Variants in TMEM131 observed in about 807,000 individuals in gnomAD.
The protein encoded by TMEM131 is transmembrane protein 131.
A neutral mutation model predicts 211.6 loss-of-function variants in TMEM131; 66 were observed. The observed-to-expected ratio is 0.31, with a 90% CI of 0.26 to 0.38. TMEM131 has a LOEUF of 0.38. Among genes scored for constraint, TMEM131 ranks in the 10% least tolerant of loss-of-function variants. TMEM131 has a pLI of 1.00. For synonymous variants in TMEM131, 844 were observed against 841.3 expected, an observed-to-expected ratio of 1.00 and a Z score of -0.06; for missense variants, 2,036 against 2,299.3, an observed-to-expected ratio of 0.89 and a Z score of 2.34.
intron 35 of TMEM131, 189 bp from the exon 36 acceptor site, chr2:97,762,389 G>C (rs1328309848): frequency 1.8e-6 from 1 of 559,232 alleles, no homozygotes; most frequent in South Asian, 2.1e-5. Context: ...TGCACTCGGG[G>C]ATTTGAGGGG....
At chr2:97,991,010 T>G (rs1680239722) in intron 1 of TMEM131, among the ~76,000 whole-genome samples, 2 of 152,310 alleles carry the variant, frequency 1.3e-5, no homozygotes, top group Admixed American at 6.5e-5. Context: ...GAAACACTCT[T>G]GAAAATTTAT....
chr2:97,881,983 T>C (rs1197088147), intron 4 of TMEM131, among the ~76,000 whole-genome samples: 3 of 152,218 alleles, frequency 2.0e-5, no homozygotes, highest in Admixed American at 6.5e-5. Context: ...CCTTTAGCAG[T>C]CACTTTCTGA....
chr2:97,882,863 T>C (rs1674993821), intron 4 of TMEM131, among the ~76,000 whole-genome samples: 1 of 152,228 alleles, frequency 6.6e-6, no homozygotes, highest in Non-Finnish European at 1.5e-5. Flanking sequence ...CTCCGCTCAG[T>C]GTTCTCTGAC....
chr2:97,855,356 C>T (rs1047666217), intron 5 of TMEM131, among the ~76,000 whole-genome samples: 2 of 152,196 alleles, frequency 1.3e-5, no homozygotes, highest in Non-Finnish European at 2.9e-5. Flanking sequence ...TATTCCGGCT[C>T]TTATTAATAT....
At chr2:97,850,345 G>A (rs147539101) in intron 5 of TMEM131, among the ~76,000 whole-genome samples, 2,206 of 152,262 alleles carry the variant, frequency 0.014, 22 homozygotes, top group Non-Finnish European at 0.019. Flanking sequence ...ACCGCAGGAA[G>A]GGAGAAAAAC....
chr2:97,834,255 G>A (rs534589665), intron 10 of TMEM131, among the ~76,000 whole-genome samples: 1 of 152,182 alleles, frequency 6.6e-6, no homozygotes, highest in Non-Finnish European at 1.5e-5. Flanking sequence ...TTGTCAAAAT[G>A]TAATTTAATA....
chr2:97,955,889 G>A (rs979904590), intron 1 of TMEM131, among the ~76,000 whole-genome samples: 1 of 151,918 alleles, frequency 6.6e-6, no homozygotes, highest in Non-Finnish European at 1.5e-5. Flanking sequence ...ACTTAACACA[G>A]GAAAAATGTC....
chr2:97,788,615 C>T lies in TMEM131; in HGVS notation c.4144+3771G>A, dbSNP rs1161668174. On this transcript the variant is annotated intron_variant, in intron 31 of 40. Transcript: ENST00000186436. ...CTGGGCACATGGTTTCACCAATTAT[C>T]TCCTCATTTTCTTCCCCCTCCCTCT... 2.0e-5 allele frequency among the ~76,000 whole-genome samples: 3 copies of T among 152,194 alleles called. No homozygotes were observed. In the East Asian group the frequency reaches 5.8e-4, roughly 29 times the overall value.
chr2:97,913,920 C>T (rs1007900197), intron 2 of TMEM131, among the ~76,000 whole-genome samples: 7 of 152,082 alleles, frequency 4.6e-5, no homozygotes, highest in East Asian at 1.9e-4. Flanking sequence ...TCCTTGCAGG[C>T]GATGAGACTA....
chr2:97,764,907 C>G (rs914138302), intron 35 of TMEM131: 1 of 152,234 alleles, frequency 6.6e-6, no homozygotes, highest in Admixed American at 6.5e-5. Context: ...TGTGTCATTA[C>G]GTCACCAACA....
At chr2:97,963,471 T>C (rs1467745565) in intron 1 of TMEM131, among the ~76,000 whole-genome samples, 1 of 152,112 alleles carries the variant, frequency 6.6e-6, no homozygotes, top group Non-Finnish European at 1.5e-5. Context: ...TCCCAGAATT[T>C]TGGGAGGCTG....
chr2:97,798,786 T>C (rs1047533504), intron 25 of TMEM131, among the ~76,000 whole-genome samples: 1 of 152,256 alleles, frequency 6.6e-6, no homozygotes, highest in Non-Finnish European at 1.5e-5. Flanking sequence ...GCTATTTTTT[T>C]CCTTTCTGTC....
At chr2:97,891,040 CTA>C (rs1272958612) in intron 3 of TMEM131, among the ~76,000 whole-genome samples, 1 of 152,170 alleles carries the variant, frequency 6.6e-6, no homozygotes, top group Non-Finnish European at 1.5e-5. Flanking sequence ...AGGTACAATC[CTA>C]TGTTAACCAA....
intron 1 of TMEM131, among the ~76,000 whole-genome samples, chr2:97,937,931 T>G (rs1377351513): frequency 6.6e-6 from 1 of 152,126 alleles, no homozygotes; most frequent in African/African-American, 2.4e-5. Flanking sequence ...CAAACTAAAC[T>G]TCGTAAGTGA....
chr2:97,814,473 A>G, intron 13 of TMEM131, 85 bp from the exon 14 acceptor site: 1 of 1,253,688 alleles, frequency 8.0e-7, no homozygotes, highest in Non-Finnish European at 1.1e-6. Context: ...GTTGTAAGTA[A>G]TAATTTACAT....
chr2:97,853,826 T>C (rs1307030064), intron 5 of TMEM131, among the ~76,000 whole-genome samples: 1 of 152,096 alleles, frequency 6.6e-6, no homozygotes, highest in Non-Finnish European at 1.5e-5. Context: ...AATCCCATGA[T>C]AAAACTTGAA....
chr2:97,897,510 A>G (rs975918426), intron 3 of TMEM131, among the ~76,000 whole-genome samples: 1 of 152,162 alleles, frequency 6.6e-6, no homozygotes, highest in East Asian at 1.9e-4. Flanking sequence ...ACATCTATTC[A>G]AATAATTACA....
rs551886302 is a variant in TMEM131 at position 97,849,865 on chromosome 2, G to T, written c.484-5604C>A. Among the ~76,000 whole-genome samples the T allele has an allele frequency of 2.6e-5, 4 of 151,578 alleles. No homozygotes were observed. The South Asian group carries it at 6.3e-4, about 24-fold the overall frequency. ...CAAGAACAAATAATTGAATGTTCAG[G>T]TTTAACTCTTGGTGGGCAAGATTAA... is the stretch of plus-strand genomic sequence containing the variant. On this transcript the variant is annotated intron_variant, in intron 5 of 40. Transcript: ENST00000186436.
At chr2:97,873,390 G>A (rs929922231) in intron 4 of TMEM131, among the ~76,000 whole-genome samples, 8 of 152,220 alleles carry the variant, frequency 5.3e-5, no homozygotes, top group South Asian at 2.1e-4. Context: ...CACAGCGTTC[G>A]AGCTCTGCTG....
Sources: gnomAD v4.1 joint callset for allele counts (sites outside exome capture counted in the v4.1 genomes callset) on GRCh38, gnomAD v4.1.1 for gene constraint, MANE v1.5 for transcripts, NCBI Gene and HGNC (gene_info 2026-07-23, HGNC 2026-07-21) for gene names.